Variants in FBXO25 observed in about 807,000 individuals in gnomAD.
The protein encoded by FBXO25 is F-box protein 25.
FBXO25 carries 45 observed loss-of-function variants against 51.9 expected under a neutral mutation model. That is an observed-to-expected ratio of 0.87 (90% confidence interval 0.68 to 1.11). The LOEUF (loss-of-function observed/expected upper bound fraction) is 1.11. Ranked by LOEUF, FBXO25 falls within the 50% of genes most tolerant of loss-of-function variation. The probability of loss-of-function intolerance (pLI) is 0.00; values close to 1 mark genes in which losing one functional copy is unlikely to be tolerated. For synonymous variants in FBXO25, 199 were observed against 151.0 expected, an observed-to-expected ratio of 1.32 and a Z score of -2.33; for missense variants, 507 against 428.5, an observed-to-expected ratio of 1.18 and a Z score of -1.62.
intron 2 of FBXO25, among the ~76,000 whole-genome samples, chr8:413,422 T>A (rs911576325): frequency 1.1e-4 from 16 of 152,128 alleles, no homozygotes; most frequent in East Asian, 5.8e-4. Context: ...TTTTTTAATT[T>A]AAAACATTTA....
At chr8:445,319 A>G (rs1029294996) in intron 5 of FBXO25, among the ~76,000 whole-genome samples, 13 of 152,304 alleles carry the variant, frequency 8.5e-5, no homozygotes, top group African/African-American at 2.9e-4. Context: ...ACTTATTTCG[A>G]TGATAGGAGG....
At position 451,315 on chromosome 8, in the gene FBXO25, A is replaced by G. The variant is rs759460552; in HGVS notation, c.522A>G (p.Gln174=). The G allele has an allele frequency of 3.0e-5, 48 of 1,611,526 alleles. No homozygotes were observed. The highest frequency in any genetic ancestry group is 4.0e-5 in the African/African-American group (3 of 74,796). ...CTCGCTTAATCAAAGATCTTCTGCA[A>G]GACCTAAGCTCTACCCTCTGCATTC... ...HNPRLIKDLL[Q]DLSSTLCILI... The change falls in exon 7 of 10, where the codon CAA becomes CAG. Residue 174 remains glutamine (Q), a synonymous_variant. Coordinates refer to ENST00000350302, the MANE Select transcript of FBXO25 (RefSeq NM_183420.2).
chr8:440,750 C>G (rs969350504), intron 5 of FBXO25, among the ~76,000 whole-genome samples: 3 of 151,892 alleles, frequency 2.0e-5, no homozygotes, highest in Admixed American at 1.3e-4. Flanking sequence ...CCCCCACCCC[C>G]CGACAGGCCC....
At chr8:433,084 T>C in intron 4 of FBXO25, 149 bp downstream of exon 4, 2 of 1,160,524 alleles carry the variant, frequency 1.7e-6, no homozygotes, top group Non-Finnish European at 2.3e-6. Flanking sequence ...GATAATAGCA[T>C]ATGAGGAGCT....
intron 5 of FBXO25, among the ~76,000 whole-genome samples, chr8:440,010 A>G (rs1281583114): frequency 6.6e-6 from 1 of 152,214 alleles, no homozygotes; most frequent in South Asian, 2.1e-4. Context: ...ACTACTCCAT[A>G]GTAGCAACTT....
At chr8:420,806 G>A (rs1797105819) in intron 2 of FBXO25, among the ~76,000 whole-genome samples, 1 of 152,222 alleles carries the variant, frequency 6.6e-6, no homozygotes. Context: ...ATGACAAAGA[G>A]AGTCAGAGGC....
At position 448,444 on chromosome 8, in the gene FBXO25, T is replaced by C. The variant is rs547431233; in HGVS notation, c.382-1546T>C. ...AATTCTTCAGATAGTGGAGTAATCC[T>C]TACTTATGGGATCCTCCAGGAAGAA... On this transcript the variant is annotated intron_variant, in intron 5 of 9. Coordinates refer to ENST00000350302, the MANE Select transcript of FBXO25 (RefSeq NM_183420.2). 4.5e-4 allele frequency among the ~76,000 whole-genome samples: 68 copies of C among 152,358 alleles called. 1 individual carries two copies. The South Asian group carries it at 9.1e-3, about 20-fold the overall frequency.
At chr8:437,176 C>A (rs1272910752) in intron 5 of FBXO25, among the ~76,000 whole-genome samples, 1 of 152,094 alleles carries the variant, frequency 6.6e-6, no homozygotes, top group Non-Finnish European at 1.5e-5. Context: ...ACACTAATAC[C>A]TGTGAAATGG....
At chr8:467,981 A>C (rs367797583) in intron 9 of FBXO25, 1 of 1,379,190 alleles carries the variant, frequency 7.3e-7, no homozygotes, top group South Asian at 1.5e-5. Context: ...GGAGGCTGCT[A>C]GATGTGCGCA....
intron 9 of FBXO25, among the ~76,000 whole-genome samples, chr8:463,420 C>T (rs767056222): frequency 1.3e-5 from 2 of 151,876 alleles, no homozygotes; most frequent in African/African-American, 4.9e-5. Flanking sequence ...AGCCAGTGAC[C>T]TTTCCTGGCA....
chr8:476,112 A>G lies in FBXO25; in HGVS notation c.*7308A>G, dbSNP rs1800633819. 6.6e-6 allele frequency: 1 copy of G among 152,036 alleles called. No individual in the cohort carries two copies. Among genetic ancestry groups the G allele is most frequent in the South Asian group, 2.1e-4 (1 of 4,828 alleles). The allele number at this position is 152,036 out of a possible 1,614,324, so 9.4% of individuals were successfully genotyped here. A position where few individuals can be genotyped will look rare whatever the true frequency, so the allele number is the denominator to read the frequency against. ...ACATTGTCTCAAATGCTTTTTCTCC[A>G]TCAATGGAGATCACATTTTTTTCCT... is the stretch of plus-strand genomic sequence containing the variant. On this transcript the variant is annotated 3_prime_UTR_variant, in exon 10 of 10. Coordinates refer to ENST00000350302, the MANE Select transcript of FBXO25 (RefSeq NM_183420.2).
chr8:418,800 A>G (rs192373513), intron 2 of FBXO25, among the ~76,000 whole-genome samples: 218 of 152,322 alleles, frequency 1.4e-3, no homozygotes, highest in African/African-American at 4.8e-3. Context: ...AGGTAGTTCA[A>G]TTGGGAAGGG....
At chr8:437,911 CATA>C (rs1159613943) in intron 5 of FBXO25, among the ~76,000 whole-genome samples, 1 of 152,008 alleles carries the variant, frequency 6.6e-6, no homozygotes. Flanking sequence ...CTAAGTTGTC[CATA>C]ATGTCACTCA....
chr8:414,764 G>A (rs545667007), intron 2 of FBXO25, among the ~76,000 whole-genome samples: 36 of 152,288 alleles, frequency 2.4e-4, no homozygotes, highest in African/African-American at 8.4e-4. Flanking sequence ...TGCGCAAAAA[G>A]GTTTTATGAC....
At chr8:445,411 C>T (rs1798676869) in intron 5 of FBXO25, among the ~76,000 whole-genome samples, 1 of 152,202 alleles carries the variant, frequency 6.6e-6, no homozygotes, top group South Asian at 2.1e-4. Context: ...AGCAGCAGTT[C>T]CAAACCCAAA....
intron 4 of FBXO25, among the ~76,000 whole-genome samples, 167 bp downstream of exon 4, chr8:433,102 C>G (rs113227419): frequency 0.034 from 5,227 of 152,184 alleles, 142 homozygotes; most frequent in Non-Finnish European, 0.057. Context: ...GCTTTTGAGG[C>G]AGTGATTTTC....
In FBXO25 at chr8:451,396, C is replaced by T; in HGVS notation, c.603C>T (p.Cys201=). The T allele has an allele frequency of 2.5e-6, 4 of 1,613,942 alleles. No individual in the cohort carries two copies. The highest frequency in any genetic ancestry group is 2.5e-6 in the Non-Finnish European group (3 of 1,179,952). ...TGGGAAACATCAATATTTGGATTTG[C>T]CGATTAGAAACTATTCTCGCCTGGC... ...VLVGNINIWI[C]RLETILAWQQ... is the part of the protein sequence containing the mutation. The change falls in exon 7 of 10, where the codon TGC becomes TGT. Residue 201 remains cysteine, a synonymous_variant. Coordinates refer to ENST00000350302, the MANE Select transcript of FBXO25 (RefSeq NM_183420.2).
intron 1 of FBXO25, among the ~76,000 whole-genome samples, chr8:412,274 G>T (rs1796523834): frequency 6.6e-6 from 1 of 152,154 alleles, no homozygotes; most frequent in Non-Finnish European, 1.5e-5. Flanking sequence ...AGATCCAGGG[G>T]CTACAAAACA....
chr8:462,889 G>C (rs1799906529), intron 8 of FBXO25, 118 bp from the exon 9 acceptor site: 1 of 1,173,830 alleles, frequency 8.5e-7, no homozygotes, highest in Non-Finnish European at 1.2e-6. Flanking sequence ...TAACCCTAAA[G>C]CTATTGAAGT....
Sources: gnomAD v4.1 joint callset for allele counts (sites outside exome capture counted in the v4.1 genomes callset) on GRCh38, gnomAD v4.1.1 for gene constraint, MANE v1.5 for transcripts, NCBI Gene and HGNC (gene_info 2026-07-23, HGNC 2026-07-21) for gene names.